The following OTOF variants were observed in gnomAD, a reference collection of about 807,000 sequenced individuals.
OTOF encodes otoferlin, also known as fer-1-like family member 2.
A neutral mutation model predicts 236.8 loss-of-function variants in OTOF; 218 were observed. The ratio of observed to expected loss-of-function variants is 0.92; its 90% confidence interval spans 0.82 to 1.03. OTOF has a LOEUF of 1.03. Among genes scored for constraint, OTOF ranks in the 50% least tolerant of loss-of-function variants. The pLI is 0.00. For missense variants in OTOF, 2,590 were observed against 2,694.4 expected (o/e 0.96, Z 0.86); for synonymous variants, 1,041 against 1,072.5 (o/e 0.97, Z 0.57).
At position 26,461,853 on chromosome 2, in the gene OTOF, G is replaced by C; in HGVS notation, c.5376C>G (p.Arg1792=). 6.2e-7 allele frequency: 1 copy of C among 1,614,208 alleles called. No individual in the cohort carries two copies. The highest frequency in any genetic ancestry group is 8.5e-7 in the Non-Finnish European group (1 of 1,180,038). ...CCAGGTAGTCGAAGGGGAACAGGTA[G>C]CGCCAGTTGAAGTTGCCCTCGCCAG... ...SLTGEGNFNW[R]YLFPFDYLAA... The change falls in exon 43 of 47, where the codon CGC becomes CGG. Residue 1792 remains arginine, a synonymous_variant. Transcript: ENST00000272371. This position sits in a 1 kb window ranked among gnomAD's most constrained non-coding sequence, Gnocchi z 6.2.
At chr2:26,534,745 G>C (rs1317162337) in intron 2 of OTOF, among the ~76,000 whole-genome samples, 1 of 152,222 alleles carries the variant, frequency 6.6e-6, no homozygotes, top group Non-Finnish European at 1.5e-5. Flanking sequence ...AGCCCAAAGA[G>C]GTTCCTCAGC....
At chr2:26,510,511 CCCCTCCTCAT>C (rs1666357250) in intron 5 of OTOF, among the ~76,000 whole-genome samples, 1 of 152,038 alleles carries the variant, frequency 6.6e-6, no homozygotes, top group South Asian at 2.1e-4. Context: ...GCGACCCTAA[CCCCTCCTCAT>C]CCCTCACCCC....
At chr2:26,472,763 A>C in intron 29 of OTOF, 114 bp from the exon 30 acceptor site, 2 of 1,063,550 alleles carry the variant, frequency 1.9e-6, no homozygotes, top group Non-Finnish European at 2.8e-6. Context: ...TTTCTGAGGG[A>C]GAGGGGGACA....
intron 1 of OTOF, among the ~76,000 whole-genome samples, chr2:26,540,191 C>G (rs1667178443): frequency 6.6e-6 from 1 of 152,230 alleles, no homozygotes; most frequent in Non-Finnish European, 1.5e-5. Context: ...CTCGGCCTCC[C>G]AAAGTGCTGG....
rs1464572670 is a variant in OTOF at position 26,459,861 on chromosome 2, G to C, written c.*17+147C>G. The stretch of plus-strand genomic sequence containing the variant: ...CTTGAGTGCATGTGTATGCACTTGT[G>C]CGTGGCACATGTGTGCATACATGCT... On this transcript the variant is annotated intron_variant, in intron 46 of 46. Coordinates refer to ENST00000272371, the MANE Select transcript of OTOF (RefSeq NM_194248.3). 4.0e-6 allele frequency: 3 copies of C among 757,962 alleles called. No homozygotes were observed. In the Admixed American group the frequency reaches 6.8e-5, roughly 17 times the overall value. The allele number at this position is 757,962 out of a possible 1,614,324, so 47.0% of individuals were successfully genotyped here.
At chr2:26,510,574 G>C (rs1466333464) in intron 5 of OTOF, 2 of 461,228 alleles carry the variant, frequency 4.3e-6, no homozygotes, top group African/African-American at 4.1e-5. Context: ...CATGACCCGT[G>C]CCAGCTCTAC....
At chr2:26,510,807 G>C in intron 5 of OTOF, 3 of 1,172,162 alleles carry the variant, frequency 2.6e-6, no homozygotes, top group Non-Finnish European at 3.4e-6. Flanking sequence ...CTGTGGACCA[G>C]AGACACTGGC....
intron 1 of OTOF, among the ~76,000 whole-genome samples, chr2:26,542,001 T>TA (rs147906899): frequency 0.013 from 2,002 of 152,304 alleles, 47 homozygotes; most frequent in African/African-American, 0.045. Context: ...AGTCTGTGCT[T>TA]AAAGTGTAAC....
At chr2:26,544,785 C>G (rs1037163841) in intron 1 of OTOF, among the ~76,000 whole-genome samples, 25 of 152,232 alleles carry the variant, frequency 1.6e-4, no homozygotes, top group African/African-American at 5.8e-4. Context: ...TGCCTGTAAT[C>G]CCAGCACTTT....
intron 3 of OTOF, among the ~76,000 whole-genome samples, chr2:26,520,453 T>C (rs1666649421): frequency 6.6e-6 from 1 of 152,116 alleles, no homozygotes; most frequent in East Asian, 1.9e-4. Flanking sequence ...GGGGAGGAAG[T>C]GGTAGGGGCA....
At chr2:26,540,303 A>G (rs1667181416) in intron 1 of OTOF, among the ~76,000 whole-genome samples, 1 of 152,182 alleles carries the variant, frequency 6.6e-6, no homozygotes, top group South Asian at 2.1e-4. Context: ...GGTTGAAGCC[A>G]TTCCTATTTG....
Position 26,470,912 on chromosome 2 carries a change from T to C in OTOF, c.3895-191A>G, listed in dbSNP as rs1664944998. Reference sequence around the variant, plus strand: ...CCACAGGCCACAGAGTGTTGTGACCTGCCAGTGCGATCCACTCGCCCAAGC... The same window carrying C: ...CCACAGGCCACAGAGTGTTGTGACCCGCCAGTGCGATCCACTCGCCCAAGC... On this transcript the variant is annotated intron_variant, in intron 31 of 46. Coordinates refer to ENST00000272371, the MANE Select transcript of OTOF (RefSeq NM_194248.3). This position sits in a 1 kb window ranked among gnomAD's most constrained non-coding sequence, Gnocchi z 4.3. Among the ~76,000 whole-genome samples, 1 of 152,220 alleles carries C rather than the reference T, an allele frequency of 6.6e-6. No homozygotes were observed. Among genetic ancestry groups the C allele is most frequent in the African/African-American group, 2.4e-5 (1 of 41,458 alleles).
intron 9 of OTOF, among the ~76,000 whole-genome samples, chr2:26,492,475 T>C (rs180997963): frequency 2.2e-4 from 34 of 152,266 alleles, no homozygotes; most frequent in African/African-American, 7.5e-4. Flanking sequence ...GAATAGTCAG[T>C]CTTAGAGGAA....
intron 9 of OTOF, among the ~76,000 whole-genome samples, chr2:26,490,801 G>C (rs1665822067): frequency 6.6e-6 from 1 of 152,172 alleles, no homozygotes; most frequent in Non-Finnish European, 1.5e-5. Context: ...CACTTGGGGG[G>C]CTTCAAGGTG....
chr2:26,480,065 AG>A, intron 16 of OTOF, 137 bp downstream of exon 16: 1 of 694,656 alleles, frequency 1.4e-6, no homozygotes, highest in South Asian at 1.5e-5. Context: ...CTCAGGGGAA[AG>A]GGGTCAACGT....
In OTOF at chr2:26,471,245, T is replaced by C. The variant is rs1004487625; in HGVS notation, c.3865-95A>G. The C allele has an allele frequency of 5.0e-6, 7 of 1,404,648 alleles. No homozygotes were observed. The African/African-American group carries it at 8.5e-5, about 17-fold the overall frequency. 87.0% of individuals were successfully genotyped at this position (1,404,648 alleles called of 1,614,324 possible). A position where few individuals can be genotyped will look rare whatever the true frequency, so the allele number is the denominator to read the frequency against. On this transcript the variant is annotated intron_variant, in intron 30 of 46. Transcript: ENST00000272371. ...CACAGGGTGTGTGGAGGAGCCGAGA[T>C]GGAAATTACTGTGTGCTGGCAGCCC...
At chr2:26,467,745 G>A (rs1411054909) in intron 33 of OTOF, among the ~76,000 whole-genome samples, 1 of 152,228 alleles carries the variant, frequency 6.6e-6, no homozygotes, top group Non-Finnish European at 1.5e-5. Flanking sequence ...GGGGCAGGAA[G>A]GAGCATGGGT....
chr2:26,464,384 G>T (rs1289008148), intron 39 of OTOF, among the ~76,000 whole-genome samples: 1 of 151,886 alleles, frequency 6.6e-6, no homozygotes, highest in African/African-American at 2.4e-5. Context: ...AGGGAGGGGA[G>T]AATCCACTTC....
chr2:26,548,871 T>C (rs1164981232), intron 1 of OTOF, among the ~76,000 whole-genome samples: 2 of 152,206 alleles, frequency 1.3e-5, no homozygotes, highest in Non-Finnish European at 2.9e-5. Context: ...CAGAATGTAC[T>C]CCTATCACTA....
Sources: gnomAD v4.1 joint callset for allele counts (sites outside exome capture counted in the v4.1 genomes callset) on GRCh38, gnomAD v4.1.1 for gene constraint, Gnocchi (gnomAD v3.1) non-coding constraint, MANE v1.5 for transcripts, NCBI Gene and HGNC (gene_info 2026-07-23, HGNC 2026-07-21) for gene names.